INTU: variants seen among roughly 807,000 people sequenced by gnomAD.
The protein encoded by INTU is inturned planar cell polarity protein.
Under a neutral mutation model 100.5 loss-of-function variants are expected in INTU, and 68 were observed. That is an observed-to-expected ratio of 0.68 (90% CI 0.56 to 0.83). INTU has a LOEUF of 0.83. INTU is among the 40% of genes least tolerant of loss of function. The pLI, the probability that INTU is intolerant of heterozygous loss-of-function variation, is 0.00. For synonymous variants in INTU, 357 were observed against 395.7 expected (o/e 0.90, Z 1.16); for missense variants, 1,071 against 1,114.7 (o/e 0.96, Z 0.56).
chr4:127,696,079 G>T (rs757264393), intron 8 of INTU, among the ~76,000 whole-genome samples: 3 of 152,050 alleles, frequency 2.0e-5, no homozygotes, highest in Non-Finnish European at 2.9e-5. Context: ...GACATTGTTG[G>T]ATTCCCTCTG....
chr4:127,677,355 T>C lies in INTU; in HGVS notation c.1181+3142T>C, dbSNP rs190414014. Among the ~76,000 whole-genome samples the C allele has an allele frequency of 7.3e-3, 1,062 of 146,142 alleles. 12 individuals carry two copies. Among genetic ancestry groups the C allele is most frequent in the Non-Finnish European group, 0.01 (697 of 67,882 alleles). On this transcript the variant is annotated intron_variant, in intron 6 of 15. Transcript: ENST00000335251. ...AGCCTAACTGGGAGGCACCCCCCAG[T>C]AGGGGCAGACTGACACCTCACACAG...
intron 2 of INTU, among the ~76,000 whole-genome samples, chr4:127,650,579 C>T (rs1357019114): frequency 2.6e-5 from 4 of 151,982 alleles, no homozygotes; most frequent in Non-Finnish European, 5.9e-5. Context: ...CATAGTATTC[C>T]ATGGTGTATA....
chr4:127,647,767 TA>T (rs1331383129), intron 2 of INTU, among the ~76,000 whole-genome samples: 2 of 152,166 alleles, frequency 1.3e-5, no homozygotes, highest in Non-Finnish European at 2.9e-5. Context: ...AAAAATTCCA[TA>T]TACCCAAAGA....
At chr4:127,670,300 CT>C (rs1728865222) in intron 5 of INTU, among the ~76,000 whole-genome samples, 3 of 151,786 alleles carry the variant, frequency 2.0e-5, no homozygotes, top group South Asian at 2.1e-4. Flanking sequence ...TAGGCTTTAA[CT>C]TTTTTTCCCC....
intron 6 of INTU, chr4:127,675,947 T>C: frequency 3.3e-6 from 1 of 306,694 alleles, no homozygotes; most frequent in South Asian, 2.7e-5. Context: ...GGGAGAGGAA[T>C]TAAGCCTCAC....
In INTU at chr4:127,723,772, C is replaced by G. The variant is rs943410952; in HGVS notation, c.*7336C>G. Reference sequence around the variant, plus strand: ...ATCACTTGAGTCCAGGAGTTCAAGACCAGCCTGAGCAACATAGCAAAAACT... The same window carrying G: ...ATCACTTGAGTCCAGGAGTTCAAGAGCAGCCTGAGCAACATAGCAAAAACT... On this transcript the variant is annotated 3_prime_UTR_variant, in exon 16 of 16. Transcript: ENST00000335251. 4 of 151,158 alleles carry G rather than the reference C, an allele frequency of 2.6e-5. No homozygotes were observed. The highest frequency in any genetic ancestry group is 9.7e-5 in the African/African-American group (4 of 41,110). The allele number at this position is 151,158 out of a possible 1,614,324, so 9.4% of individuals were successfully genotyped here.
At chr4:127,650,340 A>G (rs1380093433) in intron 2 of INTU, among the ~76,000 whole-genome samples, 9 of 150,126 alleles carry the variant, frequency 6.0e-5, no homozygotes, top group Non-Finnish European at 1.3e-4. Flanking sequence ...ATCATCTAGC[A>G]TTAGGTATAT....
rs566026982 is a variant in INTU at position 127,708,932 on chromosome 4, G to A, written c.2369+264G>A. Among the ~76,000 whole-genome samples, 7 of 152,236 alleles carry A rather than the reference G, an allele frequency of 4.6e-5. No individual in the cohort carries two copies. In the South Asian group the frequency reaches 1.5e-3, roughly 32 times the overall value. On this transcript the variant is annotated intron_variant, in intron 13 of 15. Transcript: ENST00000335251. ...TCTCTCCACAGGTAACCTCCCTTTT[G>A]TATATTTAATATAATTTTTAAATTA...
At chr4:127,710,535 T>G (rs1369074920) in intron 13 of INTU, among the ~76,000 whole-genome samples, 1 of 152,188 alleles carries the variant, frequency 6.6e-6, no homozygotes, top group Non-Finnish European at 1.5e-5. Context: ...ACTGATATCT[T>G]GTTTATGGCT....
rs1337760259 is a variant in INTU, at chr4:127,723,466, T to C, written c.*7030T>C. ...GTCCAAGTACTTATTCCTTATCAGA[T>C]ACTTTTCGTTAATTTAACTATCCTA... is the stretch of plus-strand genomic sequence containing the variant. On this transcript the variant is annotated 3_prime_UTR_variant, in exon 16 of 16. Coordinates refer to ENST00000335251, the MANE Select transcript of INTU (RefSeq NM_015693.4). 6.6e-6 allele frequency: 1 copy of C among 151,000 alleles called. No homozygotes were observed. The highest frequency in any genetic ancestry group is 2.4e-5 in the African/African-American group (1 of 40,922). The allele number at this position is 151,000 out of a possible 1,614,324, so 9.4% of individuals were successfully genotyped here.
chr4:127,650,376 C>A (rs1727793665), intron 2 of INTU, among the ~76,000 whole-genome samples: 1 of 120,072 alleles, frequency 8.3e-6, no homozygotes, highest in Admixed American at 9.8e-5. Context: ...CTCCCCCCTC[C>A]CCCCACCCCA....
intron 10 of INTU, among the ~76,000 whole-genome samples, chr4:127,704,711 C>G (rs781283309): frequency 1.3e-5 from 2 of 152,122 alleles, no homozygotes; most frequent in Non-Finnish European, 2.9e-5. Context: ...ACAGGAGAAG[C>G]AATACTCAAA....
chr4:127,649,897 G>C (rs1375052296), intron 2 of INTU, among the ~76,000 whole-genome samples: 1 of 151,986 alleles, frequency 6.6e-6, no homozygotes, highest in Admixed American at 6.6e-5. Context: ...AATAACTTTG[G>C]TATGTCTATA....
intron 1 of INTU, among the ~76,000 whole-genome samples, chr4:127,637,143 C>T (rs544476473): frequency 6.6e-5 from 10 of 152,320 alleles, no homozygotes; most frequent in Admixed American, 2.0e-4. Context: ...CAGGCACTGC[C>T]TTACTTAAAA....
At chr4:127,694,284 T>A (rs2148719611) in intron 8 of INTU, among the ~76,000 whole-genome samples, 1 of 152,192 alleles carries the variant, frequency 6.6e-6, no homozygotes, top group East Asian at 1.9e-4. Context: ...TATATCTTCC[T>A]TGTTTCATCT....
chr4:127,692,404 G>T (rs757536861), intron 8 of INTU, among the ~76,000 whole-genome samples: 1 of 151,962 alleles, frequency 6.6e-6, no homozygotes, highest in Admixed American at 6.6e-5. Context: ...AGAATTGTCC[G>T]TTCATCTCCT....
chr4:127,721,951 A>G lies in INTU; in HGVS notation c.*5515A>G, dbSNP rs562559579. The G allele has an allele frequency of 2.6e-5, 4 of 152,172 alleles. No individual in the cohort carries two copies. The highest frequency in any genetic ancestry group is 5.9e-5 in the Non-Finnish European group (4 of 68,050). 9.4% of individuals were successfully genotyped at this position (152,172 alleles called of 1,614,324 possible). On this transcript the variant is annotated 3_prime_UTR_variant, in exon 16 of 16. Transcript: ENST00000335251. ...TGAAGTTCGTTATTTCCCATCTTGG[A>G]TGGATGATTGACATTCATCCATCTC...
At chr4:127,710,375 C>T (rs1327838564) in intron 13 of INTU, among the ~76,000 whole-genome samples, 2 of 151,890 alleles carry the variant, frequency 1.3e-5, no homozygotes, top group African/African-American at 4.8e-5. Flanking sequence ...ATATATAAAA[C>T]ATTTCATTCA....
intron 6 of INTU, among the ~76,000 whole-genome samples, chr4:127,678,352 A>G (rs1729338593): frequency 6.6e-6 from 1 of 152,224 alleles, no homozygotes; most frequent in African/African-American, 2.4e-5. Flanking sequence ...AGCCAGAGAC[A>G]AAGTTCGGGT....
Sources: gnomAD v4.1 joint callset for allele counts (sites outside exome capture counted in the v4.1 genomes callset) on GRCh38, gnomAD v4.1.1 for gene constraint, MANE v1.5 for transcripts, NCBI Gene and HGNC (gene_info 2026-07-23, HGNC 2026-07-21) for gene names.